Variants in HEXB observed in about 807,000 individuals in gnomAD.
The protein encoded by HEXB is beta-hexosaminidase subunit beta.
Under a neutral mutation model 71.2 loss-of-function variants are expected in HEXB, and 51 were observed. That is an observed-to-expected ratio of 0.72 (90% confidence interval 0.57 to 0.90). The LOEUF (loss-of-function observed/expected upper bound fraction) is 0.90. HEXB is among the 40% of genes least tolerant of loss of function. The pLI, the probability that HEXB is intolerant of heterozygous loss-of-function variation, is 0.00. For synonymous variants in HEXB, 266 were observed against 249.3 expected, an observed-to-expected ratio of 1.07 and a Z score of -0.63; for missense variants, 617 against 677.0, an observed-to-expected ratio of 0.91 and a Z score of 0.98.
intron 2 of HEXB, among the ~76,000 whole-genome samples, chr5:74,692,429 CCGTGA>C (rs1749024383): frequency 1.3e-5 from 2 of 152,084 alleles, no homozygotes; most frequent in Non-Finnish European, 2.9e-5. Context: ...CTGCAATGAA[CCGTGA>C]TTGTGCCACT....
intron 1 of HEXB, among the ~76,000 whole-genome samples, chr5:74,670,914 C>T (rs72764621): frequency 0.017 from 2,548 of 152,256 alleles, 43 homozygotes; most frequent in Non-Finnish European, 0.021. Flanking sequence ...CACATAGTCA[C>T]GGTGGCTGCA....
At chr5:74,649,986 G>T (rs762981181) in intron 1 of HEXB, among the ~76,000 whole-genome samples, 1 of 152,210 alleles carries the variant, frequency 6.6e-6, no homozygotes, top group South Asian at 2.1e-4. Flanking sequence ...TAATCCAAAT[G>T]TCCAGGCAAG....
chr5:74,709,719 C>A (rs1436989129), intron 6 of HEXB, among the ~76,000 whole-genome samples: 3 of 152,210 alleles, frequency 2.0e-5, no homozygotes, highest in East Asian at 1.9e-4. Flanking sequence ...CACACATATA[C>A]TCTCCCAAGA....
At chr5:74,712,798 C>T (rs1164651849) in intron 6 of HEXB, among the ~76,000 whole-genome samples, 1 of 152,146 alleles carries the variant, frequency 6.6e-6, no homozygotes. Flanking sequence ...GACTGCTTTT[C>T]CGCAACTGAG....
At chr5:74,665,522 T>C (rs1415388374) in intron 1 of HEXB, among the ~76,000 whole-genome samples, 1 of 152,138 alleles carries the variant, frequency 6.6e-6, no homozygotes, top group Non-Finnish European at 1.5e-5. Context: ...ACACACATGT[T>C]AAAAACATCT....
At chr5:74,673,691 G>T (rs1251927591) in intron 1 of HEXB, among the ~76,000 whole-genome samples, 1 of 152,216 alleles carries the variant, frequency 6.6e-6, no homozygotes, top group Non-Finnish European at 1.5e-5. Flanking sequence ...GAGTTAGGTG[G>T]AGACTGAGAC....
intron 1 of HEXB, among the ~76,000 whole-genome samples, chr5:74,676,253 G>A (rs1748628041): frequency 6.6e-6 from 1 of 152,144 alleles, no homozygotes; most frequent in Non-Finnish European, 1.5e-5. Context: ...TGCAACCCAG[G>A]AGCATAGATT....
At chr5:74,691,593 T>C (rs1049441848) in intron 2 of HEXB, among the ~76,000 whole-genome samples, 10 of 152,184 alleles carry the variant, frequency 6.6e-5, no homozygotes, top group African/African-American at 2.4e-4. Context: ...TGGACCCTGT[T>C]TATATATCAA....
chr5:74,656,512 AAATAAAATAAAATAAAATAAAATAAAAT>A (rs1159081147), intron 1 of HEXB, among the ~76,000 whole-genome samples: 14 of 10,356 alleles, frequency 1.4e-3, no homozygotes, highest in African/African-American at 3.2e-3. Context: ...AAATAAAATA[AAATAAAATAAAATAAAATAAAATAAAAT>A]AAAAGTCAGG....
intron 1 of HEXB, among the ~76,000 whole-genome samples, chr5:74,663,846 C>T (rs867434414): frequency 1.3e-5 from 2 of 152,272 alleles, no homozygotes; most frequent in East Asian, 1.9e-4. Flanking sequence ...AATATTGGGG[C>T]CAGGCGTGGG....
intron 1 of HEXB, among the ~76,000 whole-genome samples, chr5:74,679,015 C>A (rs1376578830): frequency 6.6e-6 from 1 of 152,206 alleles, no homozygotes; most frequent in African/African-American, 2.4e-5. Context: ...AATGGATACT[C>A]ATACACTGTT....
At chr5:74,654,608 G>T (rs1326980612) in intron 1 of HEXB, among the ~76,000 whole-genome samples, 1 of 152,206 alleles carries the variant, frequency 6.6e-6, no homozygotes, top group Non-Finnish European at 1.5e-5. Flanking sequence ...CTTTCAGGAG[G>T]AGGTGATTTC....
intron 1 of HEXB, among the ~76,000 whole-genome samples, chr5:74,642,498 T>C (rs1747920045): frequency 6.6e-6 from 1 of 152,104 alleles, no homozygotes; most frequent in Admixed American, 6.5e-5. Context: ...CATATGTCTT[T>C]TTAAAACATG....
chr5:74,645,661 A>G (rs1747989024), intron 1 of HEXB, among the ~76,000 whole-genome samples: 3 of 152,168 alleles, frequency 2.0e-5, no homozygotes, highest in Non-Finnish European at 2.9e-5. Flanking sequence ...GACATATTTG[A>G]GTCACTTTCC....
At chr5:74,718,432 A>G in intron 10 of HEXB, 69 bp downstream of exon 10, 3 of 1,169,946 alleles carry the variant, frequency 2.6e-6, no homozygotes, top group Non-Finnish European at 3.9e-6. Flanking sequence ...GCAACTGGGA[A>G]TTTGCAAGTC....
At chr5:74,649,199 T>A (rs2112071458) in intron 1 of HEXB, among the ~76,000 whole-genome samples, 1 of 152,320 alleles carries the variant, frequency 6.6e-6, no homozygotes, top group Admixed American at 6.5e-5. Flanking sequence ...TGAGCTCCTG[T>A]GTTCCTTAGA....
intron 1 of HEXB, among the ~76,000 whole-genome samples, chr5:74,675,771 TTA>T (rs1381601189): frequency 2.0e-5 from 3 of 152,238 alleles, no homozygotes; most frequent in Non-Finnish European, 4.4e-5. Flanking sequence ...GATGACTTTG[TTA>T]GCTGTGTTTC....
upstream of HEXB, among the ~76,000 whole-genome samples, chr5:74,682,950 G>T (rs1287227669): frequency 2.0e-5 from 3 of 152,184 alleles, no homozygotes; most frequent in Non-Finnish European, 1.5e-5. Flanking sequence ...CAGAATGAAG[G>T]CTCAAAGACC....
chr5:74,669,109 G>A (rs1281555959), intron 1 of HEXB, among the ~76,000 whole-genome samples: 4 of 151,896 alleles, frequency 2.6e-5, no homozygotes, highest in Non-Finnish European at 5.9e-5. Flanking sequence ...ACACCACCAC[G>A]CCCTATTAAT....
Sources: allele counts gnomAD v4.1 joint callset (sites outside exome capture counted in the v4.1 genomes callset), GRCh38; gene constraint gnomAD v4.1.1; transcripts MANE v1.5; gene names NCBI Gene and HGNC (gene_info 2026-07-23, HGNC 2026-07-21).